The following STK32B variants were observed in gnomAD, a reference collection of about 807,000 sequenced individuals.
STK32B encodes the protein serine/threonine-protein kinase 32B.
Under a neutral mutation model 52.6 loss-of-function variants are expected in STK32B, and 43 were observed. The ratio of observed to expected loss-of-function variants is 0.82; its 90% CI spans 0.64 to 1.05. The LOEUF (loss-of-function observed/expected upper bound fraction) is 1.05, where lower values mean the gene tolerates loss of function less well. Among genes scored for constraint, STK32B ranks in the 50% least tolerant of loss-of-function variants. STK32B has a pLI of 0.00. For synonymous variants in STK32B, 238 were observed against 204.3 expected (o/e 1.17, Z -1.41); for missense variants, 621 against 534.6 (o/e 1.16, Z -1.59).
intron 3 of STK32B, among the ~76,000 whole-genome samples, chr4:5,178,650 G>C (rs1227942647): frequency 6.6e-6 from 1 of 152,172 alleles, no homozygotes; most frequent in Non-Finnish European, 1.5e-5. Flanking sequence ...TCTTCTGCCA[G>C]ATACCCTGAA....
chr4:5,413,026 G>A (rs754371665), intron 5 of STK32B, among the ~76,000 whole-genome samples: 11 of 152,096 alleles, frequency 7.2e-5, no homozygotes, highest in Non-Finnish European at 1.6e-4. Flanking sequence ...CAGCCCTTGT[G>A]CTGACATTCC....
intron 1 of STK32B, among the ~76,000 whole-genome samples, chr4:5,105,653 T>C (rs1714059001): frequency 6.6e-6 from 1 of 151,908 alleles, no homozygotes; most frequent in African/African-American, 2.4e-5. Context: ...AAGCTCCGCC[T>C]CCCGGGTTCA....
At chr4:5,264,179 G>A (rs1249881230) in intron 3 of STK32B, among the ~76,000 whole-genome samples, 2 of 152,062 alleles carry the variant, frequency 1.3e-5, no homozygotes, top group African/African-American at 4.8e-5. Context: ...TAAATACTTA[G>A]GAGTGGAATT....
intron 3 of STK32B, 31 bp from the exon 4 acceptor site, chr4:5,331,189 C>T (rs765549100): frequency 3.2e-6 from 5 of 1,583,010 alleles, no homozygotes; most frequent in Non-Finnish European, 3.4e-6. Context: ...TGCCTCCACC[C>T]CTAATCTTCT....
At chr4:5,024,915 C>T in the STK32B span, among the ~76,000 whole-genome samples, 1 of 151,072 alleles carries the variant, frequency 6.6e-6, no homozygotes, top group Non-Finnish European at 1.5e-5. Flanking sequence ...GGGAGCTGCA[C>T]CCCCAACCCC....
chr4:5,465,595 A>G (rs955420335), intron 9 of STK32B, among the ~76,000 whole-genome samples: 17 of 152,210 alleles, frequency 1.1e-4, no homozygotes, highest in African/African-American at 4.1e-4. Context: ...ATGGTCAGGC[A>G]TCCACCGTTC....
At chr4:5,374,680 C>T (rs1020601766) in intron 4 of STK32B, among the ~76,000 whole-genome samples, 5 of 151,452 alleles carry the variant, frequency 3.3e-5, no homozygotes, top group African/African-American at 9.7e-5. Flanking sequence ...AATCCATTCA[C>T]GAGGGTGGAG....
At chr4:5,039,819 A>G in the STK32B span, among the ~76,000 whole-genome samples, 1 of 152,196 alleles carries the variant, frequency 6.6e-6, no homozygotes, top group African/African-American at 2.4e-5. Context: ...GAGCTCTGTG[A>G]TAATCTTATT....
upstream of STK32B, among the ~76,000 whole-genome samples, chr4:5,050,411 TTTTTGTTTTG>T (rs544173752): frequency 2.6e-5 from 3 of 116,018 alleles, no homozygotes; most frequent in Non-Finnish European, 4.3e-5. Flanking sequence ...TTTAAGAGAT[TTTTTGTTTTG>T]TTTTGTTTTG....
At chr4:5,291,186 GC>G (rs1464234861) in intron 3 of STK32B, among the ~76,000 whole-genome samples, 1 of 152,072 alleles carries the variant, frequency 6.6e-6, no homozygotes, top group African/African-American at 2.4e-5. Context: ...TTTAATACCA[GC>G]CAGCAATTTT....
intron 1 of STK32B, among the ~76,000 whole-genome samples, chr4:5,083,315 T>C (rs944610715): frequency 1.3e-5 from 2 of 152,224 alleles, no homozygotes; most frequent in African/African-American, 4.8e-5. Flanking sequence ...ATTTTCATTT[T>C]GGTTTATGGA....
intron 4 of STK32B, among the ~76,000 whole-genome samples, chr4:5,332,246 A>G (rs1732305849): frequency 6.6e-6 from 1 of 152,218 alleles, no homozygotes; most frequent in Non-Finnish European, 1.5e-5. Flanking sequence ...GATAGGGAAC[A>G]CTGAAAGGGG....
chr4:5,446,970 T>C, intron 7 of STK32B, 194 bp downstream of exon 7: 1 of 554,124 alleles, frequency 1.8e-6, no homozygotes, highest in Non-Finnish European at 3.3e-6. Context: ...CCACTCATTG[T>C]ACAGATGGGA....
intron 11 of STK32B, among the ~76,000 whole-genome samples, chr4:5,478,277 C>CT (rs1718390809): frequency 6.6e-6 from 1 of 152,194 alleles, no homozygotes; most frequent in African/African-American, 2.4e-5. Context: ...CCAGAGACTG[C>CT]TGCCCTTCAG....
chr4:5,440,733 C>T (rs1714654921), intron 6 of STK32B, among the ~76,000 whole-genome samples: 1 of 152,086 alleles, frequency 6.6e-6, no homozygotes, highest in African/African-American at 2.4e-5. Flanking sequence ...ATGATATTGG[C>T]TGTGGGTTTG....
intron 3 of STK32B, among the ~76,000 whole-genome samples, chr4:5,178,157 A>G (rs557646413): frequency 6.6e-6 from 1 of 152,336 alleles, no homozygotes; most frequent in African/African-American, 2.4e-5. Context: ...TGGAGATCCA[A>G]GTGTTTCTAT....
chr4:5,420,976 T>C (rs1712593578), intron 6 of STK32B, among the ~76,000 whole-genome samples: 1 of 152,220 alleles, frequency 6.6e-6, no homozygotes, highest in South Asian at 2.1e-4. Context: ...CTTGGCTCAC[T>C]GCAACCTCTG....
intron 4 of STK32B, among the ~76,000 whole-genome samples, chr4:5,341,831 C>T (rs1434744497): frequency 6.6e-6 from 1 of 152,076 alleles, no homozygotes; most frequent in East Asian, 1.9e-4. Context: ...GCAAAGGAGA[C>T]AGGGGAGGTG....
At position 5,499,006 on chromosome 4, in the gene STK32B, C is replaced by G. The variant is rs61729661; in HGVS notation, c.1168C>G (p.Gln390Glu). The change falls in exon 12 of 12, where the codon CAG (glutamine) becomes GAG (glutamate). Residue 390 changes from glutamine to glutamate, a missense_variant. Physicochemically the swap from Gln to Glu is conservative, Grantham distance 29. Transcript: ENST00000282908. ...LLDTDSRGGG[Q>E]AQSKLQDGCN... ...GGACACCGACAGCCGAGGGGGAGGCCAGGCCCAAAGCAAGCTCCAGGACGG... is the reference window on the plus strand; with the variant it reads ...GGACACCGACAGCCGAGGGGGAGGCGAGGCCCAAAGCAAGCTCCAGGACGG... 2.5e-6 allele frequency: 4 copies of G among 1,613,886 alleles called. No homozygotes were observed. Among genetic ancestry groups the G allele is most frequent in the Non-Finnish European group, 2.5e-6 (3 of 1,179,876 alleles).
Sources: allele counts gnomAD v4.1 joint callset (sites outside exome capture counted in the v4.1 genomes callset), GRCh38; gene constraint gnomAD v4.1.1; transcripts MANE v1.5; gene names NCBI Gene and HGNC (gene_info 2026-07-23, HGNC 2026-07-21).